Variants in ITGAV observed in about 807,000 individuals in gnomAD.
ITGAV encodes the protein integrin subunit alpha V.
A neutral mutation model predicts 143.8 loss-of-function variants in ITGAV; 76 were observed. The ratio of observed to expected loss-of-function variants is 0.53; its 90% confidence interval spans 0.44 to 0.64. The LOEUF is 0.64. Ranked by LOEUF, ITGAV falls within the 30% of genes least tolerant of loss-of-function variation. ITGAV has a pLI of 0.00. For missense variants in ITGAV, 1,193 were observed against 1,274.7 expected (o/e 0.94, Z 0.98); for synonymous variants, 453 against 446.7 (o/e 1.01, Z -0.18).
chr2:186,675,557 G>A (rs976368054), intron 26 of ITGAV, 47 bp from the exon 27 acceptor site: 1 of 1,419,062 alleles, frequency 7.0e-7, no homozygotes. Flanking sequence ...ATGTTGAAGA[G>A]ATGATAGAAT....
intron 18 of ITGAV, among the ~76,000 whole-genome samples, chr2:186,659,634 A>G (rs551097045): frequency 6.6e-6 from 1 of 152,002 alleles, no homozygotes; most frequent in South Asian, 2.1e-4. Flanking sequence ...CTTATGTGTA[A>G]TGTATTTAAA....
chr2:186,623,631 A>G (rs1434779014), intron 3 of ITGAV, among the ~76,000 whole-genome samples: 2 of 152,186 alleles, frequency 1.3e-5, no homozygotes, highest in African/African-American at 4.8e-5. Context: ...TTAAAGGCAT[A>G]TTTCCAGGCT....
chr2:186,617,482 A>G (rs1687397803), intron 2 of ITGAV, among the ~76,000 whole-genome samples: 2 of 152,224 alleles, frequency 1.3e-5, no homozygotes, highest in Non-Finnish European at 1.5e-5. Flanking sequence ...GTTTGATAAA[A>G]TGCAAATGAC....
At chr2:186,644,880 T>G (rs974710201) in intron 12 of ITGAV, among the ~76,000 whole-genome samples, 1 of 151,696 alleles carries the variant, frequency 6.6e-6, no homozygotes, top group Non-Finnish European at 1.5e-5. Flanking sequence ...GGCTTAATGG[T>G]CTCATATAAA....
chr2:186,679,250 G>A lies in ITGAV; in HGVS notation c.*1958G>A, dbSNP rs1297126418. The A allele has an allele frequency of 6.6e-6, 1 of 151,868 alleles. No individual in the cohort carries two copies. The highest frequency in any genetic ancestry group is 1.5e-5 in the Non-Finnish European group (1 of 67,852). The allele number at this position is 151,868 out of a possible 1,614,324, so 9.4% of individuals were successfully genotyped here. ...ATGTTGGATAGAAAGTCACTCTTTG[G>A]CAAAAGTGTTAGAATTTGCTTTTGT... is the stretch of plus-strand genomic sequence containing the variant. On this transcript the variant is annotated 3_prime_UTR_variant, in exon 30 of 30. Coordinates refer to ENST00000261023, the MANE Select transcript of ITGAV (RefSeq NM_002210.5).
In ITGAV at chr2:186,590,497, G is replaced by A. The variant is rs774345291; in HGVS notation, c.159G>A (p.Val53=). ...GPEGSYFGFA[V]DFFVPSASSR... Reference sequence around the variant, plus strand: ...AGGGAAGTTACTTCGGCTTCGCCGTGGATTTCTTCGTGCCCAGCGCGTCTT... The same window carrying A: ...AGGGAAGTTACTTCGGCTTCGCCGTAGATTTCTTCGTGCCCAGCGCGTCTT... The change falls in exon 1 of 30, where the codon GTG becomes GTA. Residue 53 remains valine (V), a synonymous_variant. Transcript: ENST00000261023. 1.9e-6 allele frequency: 3 copies of A among 1,610,796 alleles called. No homozygotes were observed. Among genetic ancestry groups the A allele is most frequent in the Admixed American group, 1.7e-5 (1 of 59,750 alleles).
intron 1 of ITGAV, among the ~76,000 whole-genome samples, chr2:186,594,143 C>T (rs1436491085): frequency 6.6e-6 from 1 of 152,152 alleles, no homozygotes; most frequent in Non-Finnish European, 1.5e-5. Flanking sequence ...CTTGCCCTGG[C>T]TGTATCTTAA....
intron 2 of ITGAV, among the ~76,000 whole-genome samples, chr2:186,621,991 C>G (rs1425452684): frequency 6.6e-6 from 1 of 151,958 alleles, no homozygotes; most frequent in African/African-American, 2.4e-5. Context: ...TCTTTATGCC[C>G]CACCGAAAGA....
At chr2:186,605,250 A>G (rs1687027217) in intron 2 of ITGAV, among the ~76,000 whole-genome samples, 1 of 152,164 alleles carries the variant, frequency 6.6e-6, no homozygotes, top group Non-Finnish European at 1.5e-5. Flanking sequence ...TAAAACAATG[A>G]GCTCACTCTG....
At chr2:186,641,225 G>A in intron 11 of ITGAV, 161 bp from the exon 12 acceptor site, 1 of 629,770 alleles carries the variant, frequency 1.6e-6, no homozygotes, top group Admixed American at 3.0e-5. Context: ...AAGAATTAAA[G>A]GAAGTTTCAA....
At chr2:186,615,887 G>T (rs2105675895) in intron 2 of ITGAV, among the ~76,000 whole-genome samples, 1 of 152,130 alleles carries the variant, frequency 6.6e-6, no homozygotes, top group African/African-American at 2.4e-5. Flanking sequence ...AGTTCATGAA[G>T]ATTTATTTCC....
At chr2:186,668,289 G>A (rs139810557) in intron 24 of ITGAV, among the ~76,000 whole-genome samples, 5 of 131,438 alleles carry the variant, frequency 3.8e-5, no homozygotes, top group East Asian at 2.4e-4. Context: ...GCAGTGGCGC[G>A]ATCTCAGCTC....
At chr2:186,668,203 TA>T (rs1559068097) in intron 24 of ITGAV, among the ~76,000 whole-genome samples, 1,194 of 19,744 alleles carry the variant, frequency 0.06, 40 homozygotes, top group Non-Finnish European at 0.12. Context: ...TATATATATA[TA>T]TATATATATA....
intron 17 of ITGAV, among the ~76,000 whole-genome samples, chr2:186,658,426 A>G (rs1688648127): frequency 6.6e-6 from 1 of 152,166 alleles, no homozygotes; most frequent in Non-Finnish European, 1.5e-5. Context: ...AGACTGGAAA[A>G]TAATGTGGTA....
At chr2:186,653,197 G>A (rs923040305) in intron 15 of ITGAV, among the ~76,000 whole-genome samples, 3 of 151,746 alleles carry the variant, frequency 2.0e-5, no homozygotes, top group East Asian at 1.9e-4. Context: ...CACCCGCCTC[G>A]GCCTCCCAAA....
intron 2 of ITGAV, among the ~76,000 whole-genome samples, chr2:186,619,861 G>A (rs1051197992): frequency 7.9e-5 from 12 of 152,066 alleles, no homozygotes; most frequent in Middle Eastern, 3.4e-3. Context: ...GCGTGGTGGC[G>A]TGTGCCTGTA....
chr2:186,669,001 T>G, intron 25 of ITGAV, 81 bp downstream of exon 25: 1 of 1,284,484 alleles, frequency 7.8e-7, no homozygotes, highest in Non-Finnish European at 1.1e-6. Context: ...ATTCATAAAA[T>G]AAAACAACTA....
chr2:186,627,115 C>T (rs1687696360), intron 4 of ITGAV, among the ~76,000 whole-genome samples: 1 of 152,124 alleles, frequency 6.6e-6, no homozygotes, highest in African/African-American at 2.4e-5. Context: ...CTTATTTCCA[C>T]ATCTCATGGG....
At chr2:186,647,035 A>C (rs1042177336) in intron 13 of ITGAV, among the ~76,000 whole-genome samples, 158 bp downstream of exon 13, 1 of 152,214 alleles carries the variant, frequency 6.6e-6, no homozygotes, top group African/African-American at 2.4e-5. Context: ...CCCGTCACCT[A>C]AGGGTATATG....
Sources: gnomAD v4.1 joint callset for allele counts (sites outside exome capture counted in the v4.1 genomes callset) on GRCh38, gnomAD v4.1.1 for gene constraint, MANE v1.5 for transcripts, NCBI Gene and HGNC (gene_info 2026-07-23, HGNC 2026-07-21) for gene names.